Variants in ACSM1 observed in about 807,000 individuals in gnomAD.
ACSM1 encodes acyl-CoA synthetase medium chain family member 1, also known as acyl-coenzyme A synthetase ACSM1, mitochondrial.
Under a neutral mutation model 75.8 loss-of-function variants are expected in ACSM1, and 79 were observed. That is an observed-to-expected ratio of 1.04 (90% CI 0.87 to 1.26). The LOEUF is 1.26. Among genes scored for constraint, ACSM1 ranks in the 50% most tolerant of loss-of-function variants. The pLI, the probability that ACSM1 is intolerant of heterozygous loss-of-function variation, is 0.00. For synonymous variants in ACSM1, 279 were observed against 265.8 expected (o/e 1.05, Z -0.48); for missense variants, 676 against 720.1 (o/e 0.94, Z 0.70).
intron 10 of ACSM1, among the ~76,000 whole-genome samples, chr16:20,635,989 A>C (rs1023291873): frequency 1.3e-5 from 2 of 152,164 alleles, no homozygotes; most frequent in African/African-American, 4.8e-5. Flanking sequence ...ATTAATGCTA[A>C]GTAAGGCCTG....
At chr16:20,652,603 C>T (rs1387477567) in intron 7 of ACSM1, among the ~76,000 whole-genome samples, 2 of 151,928 alleles carry the variant, frequency 1.3e-5, no homozygotes, top group African/African-American at 2.4e-5. Context: ...TACAAACTAC[C>T]GTCAGAGAAT....
At chr16:20,685,825 A>AAAAC (rs2079540279) in intron 2 of ACSM1, among the ~76,000 whole-genome samples, 1 of 119,026 alleles carries the variant, frequency 8.4e-6, no homozygotes, top group Non-Finnish European at 1.9e-5. Flanking sequence ...GTCTCAAAAA[A>AAAAC]AAAAAACAAA....
At chr16:20,677,571 G>A (rs1455650778) in intron 4 of ACSM1, among the ~76,000 whole-genome samples, 2 of 152,204 alleles carry the variant, frequency 1.3e-5, no homozygotes, top group African/African-American at 4.8e-5. Flanking sequence ...TGTGATAGAT[G>A]AAGTGTTCTC....
intron 1 of ACSM1, among the ~76,000 whole-genome samples, chr16:20,693,369 C>T (rs960742022): frequency 2.0e-5 from 3 of 152,080 alleles, no homozygotes; most frequent in African/African-American, 7.2e-5. Context: ...ACAGCAGGAA[C>T]CTCCTTTATT....
At chr16:20,640,069 G>A (rs1198229902) in intron 8 of ACSM1, among the ~76,000 whole-genome samples, 3 of 152,184 alleles carry the variant, frequency 2.0e-5, no homozygotes, top group Non-Finnish European at 2.9e-5. Context: ...ATAGGACAAA[G>A]AACAGAACTC....
chr16:20,682,258 AACCAGCGATCGGAAGTCCAGCC>A lies in ACSM1; in HGVS notation c.587_608del (p.Trp196LeufsTer55). On this transcript the variant is annotated frameshift_variant, in exon 4 of 14. Coordinates refer to ENST00000520010, the MANE Select transcript of ACSM1 (RefSeq NM_001318890.3). LOFTEE classifies it high-confidence loss of function. ...TATTCATCAGACCAGAGACTCACTT[AACCAGCGATCGGAAGTCCAGCC>A]ACCCTTCACGGCTGTGATCAGACAC... 6.2e-7 allele frequency: 1 copy of A among 1,612,676 alleles called. No individual in the cohort carries two copies. Among genetic ancestry groups the A allele is most frequent in the Non-Finnish European group, 8.5e-7 (1 of 1,179,846 alleles).
chr16:20,660,435 G>T (rs2019236566), intron 7 of ACSM1, among the ~76,000 whole-genome samples: 1 of 152,144 alleles, frequency 6.6e-6, no homozygotes, highest in South Asian at 2.1e-4. Context: ...GGATAGGAGG[G>T]TTGTGTTCAC....
chr16:20,654,252 A>C (rs761295563), intron 7 of ACSM1, among the ~76,000 whole-genome samples: 3 of 152,250 alleles, frequency 2.0e-5, no homozygotes, highest in Non-Finnish European at 4.4e-5. Flanking sequence ...AGTTAATTGA[A>C]GATGGATTAA....
chr16:20,661,910 G>C (rs770320691), intron 6 of ACSM1, 37 bp from the exon 7 acceptor site: 2 of 1,457,262 alleles, frequency 1.4e-6, no homozygotes, highest in South Asian at 2.3e-5. Flanking sequence ...TATTTTTACA[G>C]TTAAGGTTAA....
intron 4 of ACSM1, chr16:20,674,140 G>T: frequency 2.3e-6 from 1 of 439,722 alleles, no homozygotes; most frequent in Non-Finnish European, 4.6e-6. Flanking sequence ...GAATGTGTAA[G>T]CAAAAACTCA....
At chr16:20,667,082 A>C (rs772602470) in intron 6 of ACSM1, among the ~76,000 whole-genome samples, 1 of 152,166 alleles carries the variant, frequency 6.6e-6, no homozygotes, top group Non-Finnish European at 1.5e-5. Context: ...CATCAAAACC[A>C]AAAATTAACA....
At chr16:20,627,860 GTATGTATACATA>G (rs2017053800) in intron 10 of ACSM1, among the ~76,000 whole-genome samples, 1 of 57,398 alleles carries the variant, frequency 1.7e-5, no homozygotes, top group Admixed American at 1.9e-4. Flanking sequence ...CTCTCTCTCT[GTATGTATACATA>G]TATATATATA....
At chr16:20,658,250 C>T (rs113875529) in intron 7 of ACSM1, among the ~76,000 whole-genome samples, 20,342 of 152,160 alleles carry the variant, frequency 0.13, 1,738 homozygotes, top group East Asian at 0.5. Flanking sequence ...CCTATTTCTC[C>T]ACATCCTCTC....
At chr16:20,632,945 G>C (rs903789615) in intron 10 of ACSM1, among the ~76,000 whole-genome samples, 2 of 152,108 alleles carry the variant, frequency 1.3e-5, no homozygotes, top group Non-Finnish European at 2.9e-5. Flanking sequence ...TCTCAGTTGA[G>C]GCAGAGAAAG....
At chr16:20,630,866 T>TA (rs1394611422) in intron 10 of ACSM1, among the ~76,000 whole-genome samples, 6 of 152,186 alleles carry the variant, frequency 3.9e-5, no homozygotes, top group Non-Finnish European at 5.9e-5. Context: ...GGAAAACTTT[T>TA]AAAAAATCAC....
rs978743600 is a variant in ACSM1 at position 20,671,691 on chromosome 16, A to C, written c.612-20T>G. On this transcript the variant is annotated intron_variant, in intron 4 of 13. Coordinates refer to ENST00000520010, the MANE Select transcript of ACSM1 (RefSeq NM_001318890.3). ...GCTGATCTGCAAAGGGGTTCAAGACAAAAGGAAAAAAGTCATGATTGCTGT... is the reference window on the plus strand; with the variant it reads ...GCTGATCTGCAAAGGGGTTCAAGACCAAAGGAAAAAAGTCATGATTGCTGT... 6.6e-7 allele frequency: 1 copy of C among 1,507,080 alleles called. No individual in the cohort carries two copies. Among genetic ancestry groups the C allele is most frequent in the Non-Finnish European group, 8.9e-7 (1 of 1,124,092 alleles). The allele number at this position is 1,507,080 out of a possible 1,614,324, so 93.4% of individuals were successfully genotyped here. A position where few individuals can be genotyped will look rare whatever the true frequency, so the allele number is the denominator to read the frequency against.
chr16:20,630,583 T>G (rs1423337440), intron 10 of ACSM1, among the ~76,000 whole-genome samples: 25 of 152,090 alleles, frequency 1.6e-4, no homozygotes, highest in Admixed American at 1.6e-3. Context: ...GTTGGAGAAT[T>G]TAATATACCA....
At chr16:20,643,800 A>G (rs1415898323) in intron 7 of ACSM1, among the ~76,000 whole-genome samples, 5 of 151,698 alleles carry the variant, frequency 3.3e-5, no homozygotes, top group Admixed American at 3.3e-4. Context: ...TGATTGGTGC[A>G]TTTTTACAGA....
chr16:20,626,143 T>G (rs1596775233), intron 11 of ACSM1, among the ~76,000 whole-genome samples: 3 of 152,036 alleles, frequency 2.0e-5, no homozygotes, highest in South Asian at 4.2e-4. Context: ...TTTAGCACTG[T>G]GGGAGGCTGA....
Sources: allele counts gnomAD v4.1 joint callset (sites outside exome capture counted in the v4.1 genomes callset), GRCh38; gene constraint gnomAD v4.1.1; transcripts MANE v1.5; gene names NCBI Gene and HGNC (gene_info 2026-07-23, HGNC 2026-07-21).